PBX4: variants seen among roughly 807,000 people sequenced by gnomAD.
PBX4 encodes the protein pre-B-cell leukemia transcription factor 4.
Under a neutral mutation model 35.1 loss-of-function variants are expected in PBX4, and 26 were observed. The ratio of observed to expected loss-of-function variants is 0.74; its 90% CI spans 0.54 to 1.03. PBX4 has a LOEUF of 1.03. PBX4 is among the 50% of genes least tolerant of loss of function. The pLI, the probability that PBX4 is intolerant of heterozygous loss-of-function variation, is 0.00. For synonymous variants in PBX4, 199 were observed against 204.2 expected (o/e 0.97, Z 0.22); for missense variants, 448 against 504.3 (o/e 0.89, Z 1.07).
intron 1 of PBX4, among the ~76,000 whole-genome samples, chr19:19,613,687 A>C (rs145077760): frequency 6.6e-6 from 1 of 152,234 alleles, no homozygotes; most frequent in East Asian, 1.9e-4. Context: ...CTCTGCGGTG[A>C]CATTCCTGGG....
chr19:19,570,886 A>T, intron 2 of PBX4, 53 bp from the exon 3 acceptor site: 1 of 1,593,546 alleles, frequency 6.3e-7, no homozygotes, highest in African/African-American at 1.3e-5. Context: ...AGAGAAAACA[A>T]ACCATGAGAA....
intron 2 of PBX4, among the ~76,000 whole-genome samples, chr19:19,574,167 G>A (rs563748245): frequency 5.3e-5 from 8 of 152,170 alleles, no homozygotes; most frequent in East Asian, 1.9e-4. Context: ...GTGAGCCACC[G>A]CACCTGGCCT....
intron 5 of PBX4, among the ~76,000 whole-genome samples, chr19:19,567,401 G>A (rs1164720774): frequency 6.6e-6 from 1 of 152,196 alleles, no homozygotes; most frequent in Non-Finnish European, 1.5e-5. Flanking sequence ...AGACTTGACT[G>A]GACTTAGCCT....
intron 2 of PBX4, chr19:19,588,267 G>A (rs2061503217): frequency 8.1e-7 from 1 of 1,241,496 alleles, no homozygotes; most frequent in Middle Eastern, 1.9e-4. Context: ...AAGATCCATA[G>A]TTACATTCAT....
intron 2 of PBX4, among the ~76,000 whole-genome samples, chr19:19,596,522 T>A (rs1170737769): frequency 1.3e-5 from 2 of 152,096 alleles, no homozygotes. Flanking sequence ...ATTCCTTAGC[T>A]CTGTGTCCTA....
At chr19:19,603,501 G>A (rs550802125) in intron 1 of PBX4, among the ~76,000 whole-genome samples, 1 of 152,024 alleles carries the variant, frequency 6.6e-6, no homozygotes, top group African/African-American at 2.4e-5. Flanking sequence ...TAGAGATGGG[G>A]TTTTGGCATG....
chr19:19,584,630 T>G (rs1390781992), intron 2 of PBX4, among the ~76,000 whole-genome samples: 3 of 150,212 alleles, frequency 2.0e-5, no homozygotes, highest in Non-Finnish European at 4.4e-5. Flanking sequence ...CTGGTTTTTT[T>G]TTTTTTTTTT....
chr19:19,588,980 T>C (rs188218778), intron 2 of PBX4, among the ~76,000 whole-genome samples: 87 of 151,346 alleles, frequency 5.7e-4, no homozygotes, highest in African/African-American at 2.1e-3. Flanking sequence ...CACAAAAAAA[T>C]ATCCAGGCAT....
At chr19:19,588,286 C>T in intron 2 of PBX4, 1 of 1,163,538 alleles carries the variant, frequency 8.6e-7, no homozygotes, top group Non-Finnish European at 1.3e-6. Flanking sequence ...ATCACATATG[C>T]ACACCAGAGT....
chr19:19,570,109 C>G lies in PBX4; in HGVS notation c.632G>C (p.Arg211Thr). ...MTLRSRLLDA[R>T]RKRRNFSKQA... Reference sequence around the variant, plus strand: ...GTTTTGGGTACGTACAGGCCCTGACCTGGCATCGAGCAGCCGCGAACGCAG... The same window carrying G: ...GTTTTGGGTACGTACAGGCCCTGACGTGGCATCGAGCAGCCGCGAACGCAG... The change falls in exon 4 of 8, where the codon AGG becomes ACG. Residue 211 changes from arginine to threonine, a missense_variant and splice_region_variant. Coordinates refer to ENST00000251203, the MANE Select transcript of PBX4 (RefSeq NM_025245.3). The G allele has an allele frequency of 1.3e-6, 2 of 1,598,280 alleles. No homozygotes were observed. Among genetic ancestry groups the G allele is most frequent in the Non-Finnish European group, 1.7e-6 (2 of 1,171,046 alleles).
intron 5 of PBX4, among the ~76,000 whole-genome samples, chr19:19,568,800 T>C (rs530485594): frequency 1.4e-4 from 17 of 123,098 alleles, no homozygotes; most frequent in South Asian, 2.9e-4. Context: ...CCTCAGGGAG[T>C]TCACACTCTG....
At chr19:19,583,177 G>A (rs1372185697) in intron 2 of PBX4, among the ~76,000 whole-genome samples, 2 of 152,160 alleles carry the variant, frequency 1.3e-5, no homozygotes, top group African/African-American at 2.4e-5. Flanking sequence ...TACTTGGGAG[G>A]CTGAGACATG....
chr19:19,607,893 CAAT>C (rs1322174822), intron 1 of PBX4, among the ~76,000 whole-genome samples: 4 of 152,126 alleles, frequency 2.6e-5, no homozygotes, highest in Admixed American at 2.6e-4. Flanking sequence ...CTGAAAGCAA[CAAT>C]GATTCTAACA....
At chr19:19,599,262 C>T (rs761197938) in intron 2 of PBX4, 30 bp downstream of exon 2, 52 of 1,585,028 alleles carry the variant, frequency 3.3e-5, no homozygotes, top group Middle Eastern at 3.7e-4. Context: ...CCACCACGCT[C>T]GGCCAGAAAG....
chr19:19,598,913 CTTTTTTTTTTTTT>C (rs34982058), intron 2 of PBX4, among the ~76,000 whole-genome samples: 1 of 112,592 alleles, frequency 8.9e-6, no homozygotes, highest in Non-Finnish European at 1.8e-5. Context: ...CAGGAAGTGC[CTTTTTTTTTTTTT>C]TTTTTTTTGA....
intron 2 of PBX4, among the ~76,000 whole-genome samples, chr19:19,597,285 G>A (rs187412537): frequency 2.8e-4 from 42 of 152,294 alleles, no homozygotes; most frequent in African/African-American, 8.2e-4. Flanking sequence ...GCATTTAGGC[G>A]AAACTTAAAT....
chr19:19,581,940 T>C (rs2061457109), intron 2 of PBX4, among the ~76,000 whole-genome samples: 1 of 152,106 alleles, frequency 6.6e-6, no homozygotes, highest in African/African-American at 2.4e-5. Context: ...GAGAGGCCTA[T>C]GGAGGAAGTG....
chr19:19,590,210 G>C (rs963521423), intron 2 of PBX4, among the ~76,000 whole-genome samples: 1 of 152,088 alleles, frequency 6.6e-6, no homozygotes, highest in Non-Finnish European at 1.5e-5. Context: ...CCGTCTCTAT[G>C]AGCAGTCACT....
intron 2 of PBX4, among the ~76,000 whole-genome samples, chr19:19,579,290 A>G (rs2061438955): frequency 6.6e-6 from 1 of 151,988 alleles, no homozygotes; most frequent in Admixed American, 6.6e-5. Context: ...CGGAGGTTGC[A>G]GTGAGCCGGG....
Sources: allele counts gnomAD v4.1 joint callset (sites outside exome capture counted in the v4.1 genomes callset), GRCh38; gene constraint gnomAD v4.1.1; transcripts MANE v1.5; gene names NCBI Gene and HGNC (gene_info 2026-07-23, HGNC 2026-07-21).